Variants in TTC6 observed in about 807,000 individuals in gnomAD.
TTC6 encodes the protein tetratricopeptide repeat domain 6.
A neutral mutation model predicts 210.4 loss-of-function variants in TTC6; 172 were observed. The ratio of observed to expected loss-of-function variants is 0.82; its 90% confidence interval spans 0.72 to 0.93. The LOEUF (loss-of-function observed/expected upper bound fraction) is 0.93, where lower values mean the gene tolerates loss of function less well. Among genes scored for constraint, TTC6 ranks in the 40% least tolerant of loss-of-function variants. The probability of loss-of-function intolerance (pLI) is 0.00; values close to 1 mark genes in which losing one functional copy is unlikely to be tolerated. For missense variants in TTC6, 2,414 were observed against 2,318.1 expected (o/e 1.04, Z -0.85); for synonymous variants, 804 against 819.6 (o/e 0.98, Z 0.32).
In TTC6 at chr14:37,792,564, A is replaced by G. The variant is rs2096082478; in HGVS notation, c.3708+150A>G. On this transcript the variant is annotated intron_variant, in intron 17 of 30. Coordinates refer to ENST00000553443, the Ensembl canonical transcript of TTC6. ...ATGTGTTAAGCTGGTAGTTAACTCT[A>G]ATTACTCATTTATAAAGCCTCTACT... 6 of 553,714 alleles carry G rather than the reference A, an allele frequency of 1.1e-5. No homozygotes were observed. In the Admixed American group the frequency reaches 1.2e-4, roughly 11 times the overall value. 34.3% of individuals were successfully genotyped at this position (553,714 alleles called of 1,614,324 possible). A position where few individuals can be genotyped will look rare whatever the true frequency, so the allele number is the denominator to read the frequency against.
intron 1 of TTC6, among the ~76,000 whole-genome samples, chr14:37,632,129 C>G (rs776943053): frequency 2.0e-5 from 3 of 152,132 alleles, no homozygotes; most frequent in Non-Finnish European, 2.9e-5. Flanking sequence ...GTTGGTCAAA[C>G]TCATTCTCCG....
At chr14:37,799,526 C>A (rs374919962) in intron 20 of TTC6, among the ~76,000 whole-genome samples, 5 of 152,242 alleles carry the variant, frequency 3.3e-5, no homozygotes, top group Middle Eastern at 3.4e-3. Context: ...ACCTATGTCT[C>A]ACTTCTAACC....
chr14:37,748,795 T>C (rs2095943421), intron 10 of TTC6, 144 bp from the exon 13 acceptor site: 1 of 627,358 alleles, frequency 1.6e-6, no homozygotes, highest in African/African-American at 1.9e-5. Flanking sequence ...TTTTATTAAA[T>C]GAAAAGGAGA....
At chr14:37,810,157 T>G (rs886394795) in intron 24 of TTC6, among the ~76,000 whole-genome samples, 2 of 152,220 alleles carry the variant, frequency 1.3e-5, no homozygotes, top group Non-Finnish European at 2.9e-5. Context: ...TGTTGATAAA[T>G]GAATAGCTAA....
chr14:37,670,942 T>C (rs1490921891), intron 1 of TTC6, among the ~76,000 whole-genome samples: 3 of 152,192 alleles, frequency 2.0e-5, no homozygotes, highest in Non-Finnish European at 2.9e-5. Flanking sequence ...TCTGAAGAGC[T>C]AGAGTTTTAG....
At chr14:37,683,453 G>A (rs909772302) in intron 3 of TTC6, among the ~76,000 whole-genome samples, 1 of 152,032 alleles carries the variant, frequency 6.6e-6, no homozygotes, top group African/African-American at 2.4e-5. Context: ...TTACTGTAGG[G>A]TTTAAGTTTC....
intron 14 of TTC6, among the ~76,000 whole-genome samples, chr14:37,783,710 TATTTGTG>T (rs1207154023): frequency 6.6e-6 from 1 of 152,182 alleles, no homozygotes; most frequent in Non-Finnish European, 1.5e-5. Context: ...CTAGTTCTTT[TATTTGTG>T]ATGTTAGGAT....
intron 5 of TTC6, among the ~76,000 whole-genome samples, chr14:37,710,300 C>T (rs536377935): frequency 6.6e-6 from 1 of 152,242 alleles, no homozygotes; most frequent in South Asian, 2.1e-4. Context: ...CTCCATGCTT[C>T]ACAAGATGTA....
At chr14:37,657,428 A>G (rs1374402317) in intron 1 of TTC6, among the ~76,000 whole-genome samples, 1 of 151,776 alleles carries the variant, frequency 6.6e-6, no homozygotes, top group East Asian at 1.9e-4. Flanking sequence ...GTGGGGAACT[A>G]CCCAGGAGAG....
intron 13 of TTC6, among the ~76,000 whole-genome samples, 162 bp downstream of exon 15, chr14:37,751,387 ATT>A (rs965763588): frequency 6.6e-6 from 1 of 152,186 alleles, no homozygotes; most frequent in Non-Finnish European, 1.5e-5. Flanking sequence ...TGGAATTAAT[ATT>A]AACACTATGT....
chr14:37,769,713 C>G (rs1411602145), intron 14 of TTC6, among the ~76,000 whole-genome samples: 3 of 149,764 alleles, frequency 2.0e-5, no homozygotes, highest in African/African-American at 7.3e-5. Flanking sequence ...ATTAGTCTTG[C>G]TAGTAGTCTA....
At chr14:37,760,411 G>A (rs942785876) in intron 14 of TTC6, among the ~76,000 whole-genome samples, 2 of 152,196 alleles carry the variant, frequency 1.3e-5, no homozygotes, top group African/African-American at 4.8e-5. Flanking sequence ...TCCAGCCAGA[G>A]CTCTCCTGTA....
At chr14:37,730,054 C>G (rs1219705779) in intron 7 of TTC6, among the ~76,000 whole-genome samples, 2 of 152,136 alleles carry the variant, frequency 1.3e-5, no homozygotes, top group African/African-American at 4.8e-5. Flanking sequence ...ACAGTACTTT[C>G]TGGCACAAAA....
exon 20 of TTC6, chr14:37,796,821 T>C: frequency 1.9e-6 from 3 of 1,608,928 alleles, no homozygotes; most frequent in Non-Finnish European, 2.5e-6. Context: ...AGCAAGCCCT[T>C]ATTTATTCAT....
intron 3 of TTC6, among the ~76,000 whole-genome samples, chr14:37,690,753 G>A (rs1305891805): frequency 1.3e-5 from 2 of 151,762 alleles, no homozygotes; most frequent in African/African-American, 4.9e-5. Context: ...GAGTCAAAGA[G>A]GGAGACTCCA....
At chr14:37,613,597 G>A (rs1275831657) in intron 2 of TTC6, among the ~76,000 whole-genome samples, 5 of 151,914 alleles carry the variant, frequency 3.3e-5, no homozygotes, top group Non-Finnish European at 7.4e-5. Flanking sequence ...AAACCATCCA[G>A]GGCTGGAATT....
chr14:37,788,809 C>T (rs548300887), intron 15 of TTC6, among the ~76,000 whole-genome samples: 7 of 152,216 alleles, frequency 4.6e-5, no homozygotes, highest in African/African-American at 1.7e-4. Flanking sequence ...AAATTTAGCA[C>T]AGATAACTTA....
intron 10 of TTC6, among the ~76,000 whole-genome samples, chr14:37,745,674 T>C (rs969488857): frequency 1.3e-5 from 2 of 152,210 alleles, no homozygotes; most frequent in Non-Finnish European, 2.9e-5. Flanking sequence ...TTTAATTTGA[T>C]TGATAAACGT....
At position 37,724,297 on chromosome 14, in the gene TTC6, A is replaced by T. The variant is rs116715581; in HGVS notation, c.1714-601A>T. ...TTATACTTTACTAGATGTATTCGTG[A>T]GCCTAACCAATAAATAATACATTTT... is the stretch of plus-strand genomic sequence containing the variant. On this transcript the variant is annotated intron_variant, in intron 6 of 30. Coordinates refer to ENST00000553443, the Ensembl canonical transcript of TTC6. 4.4e-3 allele frequency among the ~76,000 whole-genome samples: 672 copies of T among 152,156 alleles called. 2 individuals carry two copies. The highest frequency in any genetic ancestry group is 0.015 in the African/African-American group (643 of 41,516).
Sources: allele counts gnomAD v4.1 joint callset (sites outside exome capture counted in the v4.1 genomes callset), GRCh38; gene constraint gnomAD v4.1.1; transcripts MANE v1.5; gene names NCBI Gene and HGNC (gene_info 2026-07-23, HGNC 2026-07-21).